SLC7A7: variants seen among roughly 807,000 people sequenced by gnomAD.
SLC7A7 encodes the protein Y+L amino acid transporter 1.
Under a neutral mutation model 47.9 loss-of-function variants are expected in SLC7A7, and 39 were observed. The ratio of observed to expected loss-of-function variants is 0.81; its 90% confidence interval spans 0.63 to 1.06. The LOEUF (loss-of-function observed/expected upper bound fraction) is 1.06, where lower values mean the gene tolerates loss of function less well. SLC7A7 is among the 50% of genes least tolerant of loss of function. The probability of loss-of-function intolerance (pLI) is 0.00; values close to 1 mark genes in which losing one functional copy is unlikely to be tolerated. For synonymous variants in SLC7A7, 234 were observed against 242.8 expected (o/e 0.96, Z 0.34); for missense variants, 588 against 632.0 (o/e 0.93, Z 0.75).
intron 2 of SLC7A7, among the ~76,000 whole-genome samples, chr14:22,781,505 C>CAA (rs1281526443): frequency 6.6e-6 from 1 of 152,176 alleles, no homozygotes. Flanking sequence ...TAATAAACAA[C>CAA]AAACCTTATC....
At chr14:22,818,352 C>A (rs1486044278), upstream of SLC7A7, among the ~76,000 whole-genome samples, 4 of 152,098 alleles carry the variant, frequency 2.6e-5, no homozygotes, top group East Asian at 7.7e-4. Flanking sequence ...CCCGTGCGCA[C>A]TAGGCAAGGG....
In SLC7A7 at chr14:22,793,152, C is replaced by CAG. The variant is rs2038956459; in HGVS notation, c.500-13102_500-13101insCT. On this transcript the variant is annotated intron_variant, in intron 2 of 9. Coordinates refer to ENST00000674313, the MANE Select transcript of SLC7A7 (RefSeq NM_003982.4). ...CAGGATGGTCTCGATCTCCTGACCT[C>CAG]GTAATCCGCCCGCCTCGGCTTCCCA... is the stretch of plus-strand genomic sequence containing the variant. Among the ~76,000 whole-genome samples, 3 of 151,886 alleles carry CAG rather than the reference C, an allele frequency of 2.0e-5. 1 individual carries two copies. Among genetic ancestry groups the CAG allele is most frequent in the African/African-American group, 7.2e-5 (3 of 41,490 alleles).
intron 2 of SLC7A7, among the ~76,000 whole-genome samples, chr14:22,785,466 G>A (rs1437584005): frequency 2.0e-5 from 3 of 151,228 alleles, no homozygotes; most frequent in Non-Finnish European, 3.0e-5. Flanking sequence ...GCTGGCTCAC[G>A]CCTGTAATCC....
upstream of SLC7A7, chr14:22,817,260 A>C: frequency 7.6e-6 from 2 of 262,020 alleles, no homozygotes; most frequent in South Asian, 7.2e-5. Flanking sequence ...ATTCTCATGC[A>C]TCAGCCTCCT....
intron 4 of SLC7A7, 141 bp from the exon 5 acceptor site, chr14:22,776,459 A>T: frequency 1.8e-6 from 2 of 1,101,792 alleles, no homozygotes; most frequent in Non-Finnish European, 2.7e-6. Flanking sequence ...TTTGTCTTTG[A>T]CGGTGCCCTG....
chr14:22,794,300 C>A (rs1428607676), intron 2 of SLC7A7, among the ~76,000 whole-genome samples: 10 of 152,194 alleles, frequency 6.6e-5, no homozygotes. Flanking sequence ...CAAATGCAAT[C>A]CCTGTGGGTC....
At chr14:22,795,374 ATTGC>A (rs200893526) in intron 2 of SLC7A7, among the ~76,000 whole-genome samples, 399 of 11,436 alleles carry the variant, frequency 0.035, 3 homozygotes, top group African/African-American at 0.062. Context: ...CAATCTGAGT[ATTGC>A]TTGCTTGCTT....
rs1425984204 is a variant in SLC7A7, at chr14:22,774,398, G to A, written c.1201C>T (p.Leu401Phe). ...FFVGLSIVGQ[L>F]YLRWKEPDRP... Reference sequence around the variant, plus strand: ...TCAGGCTCCTTCCAGCGCAGATAAAGCTGACCCACAATAGAAAGCCCCACA... The same window carrying A: ...TCAGGCTCCTTCCAGCGCAGATAAAACTGACCCACAATAGAAAGCCCCACA... Residue 401 changes from leucine to phenylalanine, a missense_variant, in exon 8 of 10, where the codon CTT (leucine) becomes TTT (phenylalanine). By Grantham distance (22) the Leu-to-Phe change is conservative (BLOSUM62 0). Coordinates refer to ENST00000674313, the MANE Select transcript of SLC7A7 (RefSeq NM_003982.4). 7.4e-6 allele frequency: 12 copies of A among 1,614,000 alleles called. 1 individual carries two copies. The South Asian group carries it at 9.9e-5, about 13-fold the overall frequency.
chr14:22,785,952 G>A (rs1176473394), intron 2 of SLC7A7, among the ~76,000 whole-genome samples: 1 of 151,086 alleles, frequency 6.6e-6, no homozygotes, highest in Non-Finnish European at 1.5e-5. Context: ...AACCCGGGAG[G>A]CGGAGCTTGC....
At chr14:22,784,358 G>T (rs1220045086) in intron 2 of SLC7A7, among the ~76,000 whole-genome samples, 1 of 152,130 alleles carries the variant, frequency 6.6e-6, no homozygotes, top group East Asian at 1.9e-4. Context: ...AGTGGCTCAC[G>T]CCTGTAATCC....
At chr14:22,785,766 T>C (rs973424044) in intron 2 of SLC7A7, among the ~76,000 whole-genome samples, 3 of 149,484 alleles carry the variant, frequency 2.0e-5, no homozygotes, top group African/African-American at 7.4e-5. Flanking sequence ...GCTCACGCTG[T>C]AATCCCAGCA....
intron 2 of SLC7A7, among the ~76,000 whole-genome samples, chr14:22,798,472 A>G (rs1392111437): frequency 6.6e-6 from 1 of 152,194 alleles, no homozygotes; most frequent in Non-Finnish European, 1.5e-5. Flanking sequence ...ACACTGTTCA[A>G]GAAAAAGAAG....
intron 2 of SLC7A7, among the ~76,000 whole-genome samples, chr14:22,806,865 G>A (rs949801954): frequency 3.3e-5 from 5 of 151,392 alleles, no homozygotes; most frequent in Non-Finnish European, 5.9e-5. Flanking sequence ...CCCGACCCCC[G>A]GCAAAAAGTC....
At chr14:22,775,045 C>G (rs1214803153) in intron 7 of SLC7A7, among the ~76,000 whole-genome samples, 1 of 152,062 alleles carries the variant, frequency 6.6e-6, no homozygotes, top group East Asian at 1.9e-4. Flanking sequence ...CAACCCTAGC[C>G]ATCAAGATGC....
chr14:22,796,969 A>G (rs1566454766), intron 2 of SLC7A7, among the ~76,000 whole-genome samples: 1 of 152,226 alleles, frequency 6.6e-6, no homozygotes, highest in African/African-American at 2.4e-5. Flanking sequence ...AGAAATCAAT[A>G]AGATGCATAT....
At chr14:22,806,131 A>AC (rs1335817917) in intron 2 of SLC7A7, among the ~76,000 whole-genome samples, 2 of 150,630 alleles carry the variant, frequency 1.3e-5, no homozygotes, top group African/African-American at 4.9e-5. Flanking sequence ...AAAAAAAAAA[A>AC]AAAAAAAAAC....
At chr14:22,812,114 G>A (rs1415879111) in intron 2 of SLC7A7, among the ~76,000 whole-genome samples, 2 of 152,150 alleles carry the variant, frequency 1.3e-5, no homozygotes, top group African/African-American at 2.4e-5. Context: ...AGAATTACAT[G>A]TAGACTAGTA....
chr14:22,780,774 GCTCGAAATT>G (rs1418463106), intron 2 of SLC7A7, among the ~76,000 whole-genome samples: 1 of 152,162 alleles, frequency 6.6e-6, no homozygotes, highest in East Asian at 1.9e-4. Context: ...CCTCCATGAG[GCTCGAAATT>G]CTCTTTCAAA....
intron 2 of SLC7A7, among the ~76,000 whole-genome samples, chr14:22,793,192 C>T (rs2038957365): frequency 6.6e-6 from 1 of 151,934 alleles, no homozygotes; most frequent in African/African-American, 2.4e-5. Context: ...GCTGGGATTA[C>T]AGGCGTAAAC....
Sources: gnomAD v4.1 joint callset for allele counts (sites outside exome capture counted in the v4.1 genomes callset) on GRCh38, gnomAD v4.1.1 for gene constraint, MANE v1.5 for transcripts, NCBI Gene and HGNC (gene_info 2026-07-23, HGNC 2026-07-21) for gene names.